The following SERAC1 variants were observed in gnomAD, a reference collection of about 807,000 sequenced individuals.
The protein encoded by SERAC1 is protein SERAC1.
A neutral mutation model predicts 85.7 loss-of-function variants in SERAC1; 36 were observed. The ratio of observed to expected loss-of-function variants is 0.42; its 90% CI spans 0.32 to 0.55. The LOEUF (loss-of-function observed/expected upper bound fraction) is 0.55, where lower values mean the gene tolerates loss of function less well. SERAC1 is among the 20% of genes least tolerant of loss of function. The pLI is 0.11. For missense variants in SERAC1, 629 were observed against 796.2 expected, an observed-to-expected ratio of 0.79 and a Z score of 2.53; for synonymous variants, 242 against 265.3, an observed-to-expected ratio of 0.91 and a Z score of 0.85.
intron 3 of SERAC1, among the ~76,000 whole-genome samples, chr6:158,154,651 G>C (rs1329235485): frequency 6.6e-6 from 1 of 152,168 alleles, no homozygotes; most frequent in Non-Finnish European, 1.5e-5. Flanking sequence ...CATTACACAT[G>C]CTCCTGAGGG....
chr6:158,150,690 T>C, intron 3 of SERAC1, 101 bp from the exon 4 acceptor site: 1 of 824,482 alleles, frequency 1.2e-6, no homozygotes, highest in Non-Finnish European at 2.0e-6. Context: ...TTCTTTTTTG[T>C]TGGGAAACAT....
Position 158,146,913 on chromosome 6 carries a change from T to C in SERAC1, c.356A>G (p.Asp119Gly). 6.2e-7 allele frequency: 1 copy of C among 1,612,394 alleles called. No homozygotes were observed. The highest frequency in any genetic ancestry group is 8.5e-7 in the Non-Finnish European group (1 of 1,179,226). ...TTCTATATCAACTGTACTAAAAGGA[T>C]CTTTGCAAAAAGAAAAAGCCAAGAC... ...SAKILRNPFA[D>G]PFSTVDIEDH... is the part of the protein sequence containing the mutation. Residue 119 changes from aspartate to glycine, a missense_variant and splice_region_variant, in exon 6 of 17, where the codon GAT becomes GGT. Asp to Gly is a moderately conservative substitution (Grantham distance 94). Transcript: ENST00000647468.
intron 4 of SERAC1, among the ~76,000 whole-genome samples, chr6:158,150,242 T>G (rs1304025755): frequency 6.6e-6 from 1 of 152,210 alleles, no homozygotes; most frequent in East Asian, 1.9e-4. Flanking sequence ...AGTCTTCACT[T>G]AATTTTAGGA....
rs986934357 is a variant in SERAC1, at chr6:158,110,683, T to A, written c.*683A>T. 6.6e-6 allele frequency: 1 copy of A among 152,224 alleles called. No homozygotes were observed. Among genetic ancestry groups the A allele is most frequent in the African/African-American group, 2.4e-5 (1 of 41,466 alleles). 9.4% of individuals were successfully genotyped at this position (152,224 alleles called of 1,614,324 possible). ...GATCAATAATGGATTAGCTACTTTA[T>A]CCTTATCTAGGACAAATTCCAAGCA... On this transcript the variant is annotated 3_prime_UTR_variant, in exon 17 of 17. Coordinates refer to ENST00000647468, the MANE Select transcript of SERAC1 (RefSeq NM_032861.4).
In SERAC1 at chr6:158,148,943, GCCA is replaced by G; in HGVS notation, c.274_276del (p.Trp92del). 1 of 1,608,242 alleles carries G rather than the reference GCCA, an allele frequency of 6.2e-7. No individual in the cohort carries two copies. Among genetic ancestry groups the G allele is most frequent in the South Asian group, 1.1e-5 (1 of 89,872 alleles). On this transcript the variant is annotated inframe_deletion, in exon 5 of 17. Coordinates refer to ENST00000647468, the MANE Select transcript of SERAC1 (RefSeq NM_032861.4). Reference sequence around the variant, plus strand: ...GCTTTGTGAAGTTCTTTTCTTGCCTGCCAGGCAATACCTAAAATGATTATAAAA... The same window carrying G: ...GCTTTGTGAAGTTCTTTTCTTGCCTGGGCAATACCTAAAATGATTATAAAA...
At chr6:158,158,605 T>C (rs1385057881) in intron 1 of SERAC1, 4 of 334,254 alleles carry the variant, frequency 1.2e-5, no homozygotes, top group Non-Finnish European at 2.2e-5. Context: ...CAATTGTGCA[T>C]AGTTTTCACA....
chr6:158,163,963 T>A (rs1052933645), intron 1 of SERAC1, among the ~76,000 whole-genome samples: 1 of 151,714 alleles, frequency 6.6e-6, no homozygotes, highest in African/African-American at 2.4e-5. Context: ...TCTTGAACTC[T>A]TGACCTCGTG....
At chr6:158,156,959 A>T (rs12196435) in intron 2 of SERAC1, among the ~76,000 whole-genome samples, 5 of 104,508 alleles carry the variant, frequency 4.8e-5, no homozygotes, top group South Asian at 2.9e-4. Flanking sequence ...TATTTATATA[A>T]ATATTAATAT....
At chr6:158,144,182 T>A (rs1784996029) in intron 7 of SERAC1, 117 bp downstream of exon 7, 2 of 753,352 alleles carry the variant, frequency 2.7e-6, no homozygotes, top group East Asian at 5.7e-5. Flanking sequence ...TTCCAGTTTA[T>A]CTGCTTGTGA....
intron 8 of SERAC1, among the ~76,000 whole-genome samples, chr6:158,133,847 G>A (rs1784735865): frequency 6.6e-6 from 1 of 151,844 alleles, no homozygotes; most frequent in Admixed American, 6.5e-5. Context: ...GTGTAAACTT[G>A]GATGGAAAAA....
intron 9 of SERAC1, 141 bp downstream of exon 9, chr6:158,130,232 G>C: frequency 2.1e-6 from 1 of 466,902 alleles, no homozygotes; most frequent in Non-Finnish European, 3.8e-6. Context: ...AATTAAAATT[G>C]GAGGAAAGCA....
In SERAC1 at chr6:158,117,291, GA is replaced by G. The variant is rs1465836626; in HGVS notation, c.1403+435del. On this transcript the variant is annotated intron_variant, in intron 13 of 16. Coordinates refer to ENST00000647468, the MANE Select transcript of SERAC1 (RefSeq NM_032861.4). This position sits in a 1 kb window ranked among gnomAD's most constrained non-coding sequence, Gnocchi z 4.3. ...CGGCTACTCTCAGTCCAGTAACTCTGAAATCCAGCACTCCTTCCCATGTATA... is the reference window on the plus strand; with the variant it reads ...CGGCTACTCTCAGTCCAGTAACTCTGAATCCAGCACTCCTTCCCATGTATA... The G allele has an allele frequency of 5.4e-6, 3 of 552,562 alleles. No homozygotes were observed. Among genetic ancestry groups the G allele is most frequent in the Non-Finnish European group, 9.6e-6 (3 of 314,072 alleles). The allele number at this position is 552,562 out of a possible 1,614,324, so 34.2% of individuals were successfully genotyped here.
chr6:158,114,670 A>C, intron 15 of SERAC1, 119 bp downstream of exon 15: 1 of 1,518,516 alleles, frequency 6.6e-7, no homozygotes, highest in Non-Finnish European at 8.8e-7. Flanking sequence ...GAATAGTCTA[A>C]ACACAATTAT....
chr6:158,156,753 TATATAA>T (rs1017436439), intron 2 of SERAC1, among the ~76,000 whole-genome samples: 3 of 141,398 alleles, frequency 2.1e-5, no homozygotes, highest in African/African-American at 7.7e-5. Flanking sequence ...ATTATTTTTA[TATATAA>T]ATATATTTTA....
intron 8 of SERAC1, 30 bp from the exon 9 acceptor site, chr6:158,130,516 G>A (rs760838161): frequency 1.5e-5 from 20 of 1,312,796 alleles, no homozygotes; most frequent in Non-Finnish European, 4.2e-6. Context: ...AATTTTTACT[G>A]AAAAAAAGTG....
chr6:158,123,499 A>G (rs1784466989), intron 10 of SERAC1, among the ~76,000 whole-genome samples: 2 of 152,242 alleles, frequency 1.3e-5, no homozygotes, highest in Admixed American at 1.3e-4. Context: ...AGAGGAAGGA[A>G]TATGTGGAAG....
intron 8 of SERAC1, among the ~76,000 whole-genome samples, chr6:158,131,402 A>C (rs1337645820): frequency 1.4e-5 from 2 of 147,048 alleles, no homozygotes; most frequent in Non-Finnish European, 3.0e-5. Context: ...ATTATATAAT[A>C]TATTTATATT....
chr6:158,155,577 A>C (rs1338414663), intron 2 of SERAC1, among the ~76,000 whole-genome samples: 2 of 152,168 alleles, frequency 1.3e-5, no homozygotes, highest in Non-Finnish European at 2.9e-5. Flanking sequence ...ATGACATTTC[A>C]TACCTCCCCT....
At position 158,144,320 on chromosome 6, in the gene SERAC1, A is replaced by T. The variant is rs775485133; in HGVS notation, c.588T>A (p.Pro196=). Reference sequence around the variant, plus strand: ...TTACTTCTTTTAAAGATGGCAAAGGAGGTGGTAGGAGAAAAAAGCGAAGAT... The same window carrying T: ...TTACTTCTTTTAAAGATGGCAAAGGTGGTGGTAGGAGAAAAAAGCGAAGAT... ...ESDLRFFLLP[P]PLPSLKEDSS... is the part of the protein sequence containing the mutation. Residue 196 remains proline (P), a synonymous_variant, in exon 7 of 17, where the codon CCT becomes CCA. Transcript: ENST00000647468. 6.2e-7 allele frequency: 1 copy of T among 1,611,996 alleles called. No homozygotes were observed. The highest frequency in any genetic ancestry group is 1.1e-5 in the South Asian group (1 of 90,748).
Sources: gnomAD v4.1 joint callset for allele counts (sites outside exome capture counted in the v4.1 genomes callset) on GRCh38, gnomAD v4.1.1 for gene constraint, Gnocchi (gnomAD v3.1) non-coding constraint, MANE v1.5 for transcripts, NCBI Gene and HGNC (gene_info 2026-07-23, HGNC 2026-07-21) for gene names.